VPS53: variants seen among roughly 807,000 people sequenced by gnomAD.
VPS53 encodes VPS53 subunit of GARP complex, also known as vacuolar protein sorting-associated protein 53 homolog.
In VPS53, 70 loss-of-function variants were observed where a neutral mutation model predicts 107.0. That is an observed-to-expected ratio of 0.65 (90% confidence interval 0.54 to 0.80). The LOEUF (loss-of-function observed/expected upper bound fraction) is 0.80. VPS53 is among the 30% of genes least tolerant of loss of function. The pLI is 0.00. For missense variants in VPS53, 917 were observed against 1,049.4 expected, an observed-to-expected ratio of 0.87 and a Z score of 1.74; for synonymous variants, 409 against 393.3, an observed-to-expected ratio of 1.04 and a Z score of -0.47.
At chr17:536,853 A>C in intron 18 of VPS53, 175 bp downstream of exon 18, 1 of 740,934 alleles carries the variant, frequency 1.3e-6, no homozygotes, top group South Asian at 1.9e-5. Context: ...CGAATGTGCC[A>C]CTTTGTGTGT....
At chr17:559,503 T>C (rs1912746483) in intron 15 of VPS53, among the ~76,000 whole-genome samples, 1 of 152,310 alleles carries the variant, frequency 6.6e-6, no homozygotes, top group Admixed American at 6.5e-5. Context: ...TGGAAGGTCA[T>C]GACCTTCGCA....
rs1171829602 is a variant in VPS53, at chr17:519,360, A to C, written c.2329-62T>G. ...TGGGCCAGAATGGCCCACGGGGGAC[A>C]GCGCAGTATCTGGATATGGGGTCAG... On this transcript the variant is annotated intron_variant, in intron 21 of 21. Transcript: ENST00000437048. The surrounding 1 kb of genome is among the most constrained non-coding windows in gnomAD (Gnocchi z 5.0). 5 of 1,423,260 alleles carry C rather than the reference A, an allele frequency of 3.5e-6. No homozygotes were observed. The highest frequency in any genetic ancestry group is 4.6e-6 in the Non-Finnish European group (5 of 1,083,638). 88.2% of individuals were successfully genotyped at this position (1,423,260 alleles called of 1,614,324 possible). A position where few individuals can be genotyped will look rare whatever the true frequency, so the allele number is the denominator to read the frequency against.
intron 5 of VPS53, chr17:657,093 C>G: frequency 9.4e-7 from 1 of 1,061,610 alleles, no homozygotes; most frequent in South Asian, 1.3e-5. Context: ...TTGCCAGTCT[C>G]CAAATCAATC....
At chr17:658,370 C>T (rs1597449504) in intron 5 of VPS53, among the ~76,000 whole-genome samples, 1 of 144,664 alleles carries the variant, frequency 6.9e-6, no homozygotes, top group Admixed American at 6.9e-5. Flanking sequence ...AAGTGAGAAA[C>T]TCGGCCGTGA....
intron 12 of VPS53, among the ~76,000 whole-genome samples, chr17:599,073 A>C (rs1597364058): frequency 1.7e-5 from 2 of 119,206 alleles, no homozygotes; most frequent in East Asian, 2.8e-4. Flanking sequence ...AGCCACCCCT[A>C]CTGGGAAGTG....
chr17:617,560 C>A (rs1021659860), intron 11 of VPS53, among the ~76,000 whole-genome samples: 1 of 152,096 alleles, frequency 6.6e-6, no homozygotes, highest in Non-Finnish European at 1.5e-5. Context: ...CGCCACCACG[C>A]CCCACTAATA....
chr17:552,903 CA>C (rs1911981448), intron 16 of VPS53: 1 of 383,184 alleles, frequency 2.6e-6, no homozygotes, highest in Admixed American at 4.2e-5. Context: ...AGGCAGCGAG[CA>C]AGTGTGTACA....
At chr17:664,320 T>C (rs979541970) in intron 4 of VPS53, among the ~76,000 whole-genome samples, 21 of 152,114 alleles carry the variant, frequency 1.4e-4, no homozygotes, top group Admixed American at 1.2e-3. Flanking sequence ...CCTCGTGATC[T>C]GCCCGCCTCG....
rs527391364 is a variant in VPS53 at position 601,368 on chromosome 17, C to T, written c.1218+427G>A. ...CAGGCCTCCCCAATGGCTTCCAGAC[C>T]TAAAGTGATCAGCTTACACTGCATG... On this transcript the variant is annotated intron_variant, in intron 12 of 21. Coordinates refer to ENST00000437048, the MANE Select transcript of VPS53 (RefSeq NM_001128159.3). Among the ~76,000 whole-genome samples the T allele has an allele frequency of 5.3e-5, 8 of 152,310 alleles. No homozygotes were observed. The South Asian group carries it at 1.0e-3, about 20-fold the overall frequency.
intron 12 of VPS53, 81 bp downstream of exon 12, chr17:601,714 G>T: frequency 9.1e-7 from 1 of 1,104,150 alleles, no homozygotes; most frequent in Non-Finnish European, 1.3e-6. Flanking sequence ...AAGAGCCAAA[G>T]GATCGTATCT....
chr17:643,443 C>T (rs558626811), intron 7 of VPS53, among the ~76,000 whole-genome samples: 19 of 148,762 alleles, frequency 1.3e-4, no homozygotes, highest in South Asian at 2.2e-4. Context: ...ACTTGGAAAG[C>T]GAGGACAACA....
intron 4 of VPS53, among the ~76,000 whole-genome samples, chr17:688,781 A>G (rs964645145): frequency 6.6e-6 from 1 of 152,192 alleles, no homozygotes; most frequent in Admixed American, 6.5e-5. Context: ...GTGAGCCCGA[A>G]TCAAAACTCT....
intron 11 of VPS53, among the ~76,000 whole-genome samples, chr17:605,678 G>A (rs1224649297): frequency 6.7e-6 from 1 of 148,530 alleles, no homozygotes; most frequent in African/African-American, 2.5e-5. Flanking sequence ...ATGGGGGCCT[G>A]GGGTAAGAGG....
intron 7 of VPS53, among the ~76,000 whole-genome samples, chr17:640,127 C>T (rs1421354714): frequency 1.3e-5 from 2 of 152,154 alleles, no homozygotes; most frequent in Non-Finnish European, 1.5e-5. Flanking sequence ...GCCTTGCTGC[C>T]GCCTTGCAGT....
chr17:530,421 G>A (rs944825277), intron 19 of VPS53, among the ~76,000 whole-genome samples: 6 of 151,918 alleles, frequency 3.9e-5, no homozygotes. Flanking sequence ...CCAAAGTGTT[G>A]GGATTAAGGG....
chr17:622,429 G>A (rs545287963), intron 11 of VPS53, among the ~76,000 whole-genome samples: 1 of 151,600 alleles, frequency 6.6e-6, no homozygotes, highest in Non-Finnish European at 1.5e-5. Context: ...AAATTCAAAG[G>A]TATGATTCTC....
chr17:591,454 CT>C (rs1967642002), intron 12 of VPS53, among the ~76,000 whole-genome samples: 1 of 152,064 alleles, frequency 6.6e-6, no homozygotes, highest in African/African-American at 2.4e-5. Context: ...TTTTCTAGTT[CT>C]TTTAATTGTG....
chr17:536,813 G>C (rs1354761629), intron 18 of VPS53: 4 of 553,720 alleles, frequency 7.2e-6, no homozygotes, highest in African/African-American at 5.7e-5. Context: ...GGGTGATAAT[G>C]ACGTGTTGAT....
At chr17:639,457 C>G (rs536818706) in intron 7 of VPS53, among the ~76,000 whole-genome samples, 2 of 151,978 alleles carry the variant, frequency 1.3e-5, no homozygotes, top group Non-Finnish European at 2.9e-5. Flanking sequence ...CCATTGCTGG[C>G]GAGGTGCTTT....
Sources: gnomAD v4.1 joint callset for allele counts (sites outside exome capture counted in the v4.1 genomes callset) on GRCh38, gnomAD v4.1.1 for gene constraint, Gnocchi (gnomAD v3.1) non-coding constraint, MANE v1.5 for transcripts, NCBI Gene and HGNC (gene_info 2026-07-23, HGNC 2026-07-21) for gene names.